Variants in KCNQ3 observed in about 807,000 individuals in gnomAD.
The protein encoded by KCNQ3 is potassium voltage-gated channel subfamily KQT member 3.
KCNQ3 carries 30 observed loss-of-function variants against 92.5 expected under a neutral mutation model. The observed-to-expected ratio is 0.32, with a 90% CI of 0.24 to 0.44. KCNQ3 has a LOEUF of 0.44. KCNQ3 is among the 20% of genes least tolerant of loss of function. KCNQ3 has a pLI of 1.00. For synonymous variants in KCNQ3, 450 were observed against 468.8 expected, an observed-to-expected ratio of 0.96 and a Z score of 0.52; for missense variants, 913 against 1,140.3, an observed-to-expected ratio of 0.80 and a Z score of 2.87.
intron 1 of KCNQ3, among the ~76,000 whole-genome samples, chr8:132,470,541 C>T (rs1335750720): frequency 6.6e-6 from 1 of 152,160 alleles, no homozygotes; most frequent in Non-Finnish European, 1.5e-5. Flanking sequence ...TGACTTGTCA[C>T]CACTAACTAT....
Position 132,187,807 on chromosome 8 carries a change from ATGGTGGTGGTGGTGGTGGTGGTGATTG to A in KCNQ3, c.387-1653_387-1627del, listed in dbSNP as rs1198268452. Among the ~76,000 whole-genome samples the A allele has an allele frequency of 3.3e-5, 4 of 120,598 alleles. No individual in the cohort carries two copies. In the South Asian group the frequency reaches 8.2e-4, roughly 25 times the overall value. 79.1% of individuals were successfully genotyped at this position (120,598 alleles called of 152,430 possible). On this transcript the variant is annotated intron_variant, in intron 1 of 14. Coordinates refer to ENST00000388996, the MANE Select transcript of KCNQ3 (RefSeq NM_004519.4). Reference sequence around the variant, plus strand: ...GGTGGTGGCGGTGGTGGTGATAGTGATGGTGGTGGTGGTGGTGGTGGTGATTGTGGTGGTGGTGGTGGTAGTGATGGT... The same window carrying A: ...GGTGGTGGCGGTGGTGGTGATAGTGATGGTGGTGGTGGTGGTAGTGATGGT...
At chr8:132,454,632 C>T (rs1459536748) in intron 1 of KCNQ3, among the ~76,000 whole-genome samples, 1 of 152,152 alleles carries the variant, frequency 6.6e-6, no homozygotes, top group African/African-American at 2.4e-5. Context: ...GATACCCACA[C>T]TGTCCTTTCC....
chr8:132,285,820 T>G (rs1468604015), intron 1 of KCNQ3, among the ~76,000 whole-genome samples: 1 of 152,206 alleles, frequency 6.6e-6, no homozygotes, highest in Non-Finnish European at 1.5e-5. Context: ...TTTTCTGGGA[T>G]TGACCCAGGG....
chr8:132,432,355 CA>C (rs11411494), intron 1 of KCNQ3, among the ~76,000 whole-genome samples: 1,742 of 134,308 alleles, frequency 0.013, 29 homozygotes, highest in African/African-American at 0.042. Context: ...ATGAATACGG[CA>C]AAAAAAAAAA....
chr8:132,232,264 G>T (rs1270616850), intron 1 of KCNQ3, among the ~76,000 whole-genome samples: 1 of 152,174 alleles, frequency 6.6e-6, no homozygotes, highest in African/African-American at 2.4e-5. Context: ...TCACCAAGGG[G>T]TCTTGTTAAA....
chr8:132,186,602 G>C (rs528219018), intron 1 of KCNQ3: 1 of 313,392 alleles, frequency 3.2e-6, no homozygotes, highest in Admixed American at 4.8e-5. Flanking sequence ...TGTTTTCTTA[G>C]AATGAAGAAA....
intron 1 of KCNQ3, among the ~76,000 whole-genome samples, chr8:132,458,459 CT>C (rs1157676986): frequency 3.9e-5 from 6 of 152,146 alleles, no homozygotes; most frequent in South Asian, 2.1e-4. Flanking sequence ...GAATAGTTTT[CT>C]TTTTTTCTTT....
chr8:132,476,270 C>CA (rs1822409588), intron 1 of KCNQ3, among the ~76,000 whole-genome samples: 1 of 152,224 alleles, frequency 6.6e-6, no homozygotes, highest in Non-Finnish European at 1.5e-5. Context: ...GTTGGAACCC[C>CA]CACACAGAAT....
At chr8:132,160,809 C>G (rs1442048400) in intron 9 of KCNQ3, among the ~76,000 whole-genome samples, 2 of 151,480 alleles carry the variant, frequency 1.3e-5, no homozygotes, top group Non-Finnish European at 2.9e-5. Flanking sequence ...CTTTCTGATT[C>G]TAAGGTTAAT....
intron 9 of KCNQ3, among the ~76,000 whole-genome samples, chr8:132,158,647 C>T (rs967445318): frequency 1.3e-5 from 2 of 152,232 alleles, no homozygotes; most frequent in Non-Finnish European, 2.9e-5. Flanking sequence ...CTTGCTCTTG[C>T]ACTTTCTAGC....
chr8:132,449,193 T>C (rs909810010), intron 1 of KCNQ3, among the ~76,000 whole-genome samples: 14 of 152,180 alleles, frequency 9.2e-5, no homozygotes, highest in African/African-American at 3.4e-4. Context: ...AATGGCCTCA[T>C]TGTGAATTTT....
chr8:132,437,017 C>T (rs1821411666), intron 1 of KCNQ3, among the ~76,000 whole-genome samples: 2 of 151,434 alleles, frequency 1.3e-5, no homozygotes, highest in Non-Finnish European at 1.5e-5. Context: ...CGGTGGCTCA[C>T]GCCTGTAATC....
intron 1 of KCNQ3, among the ~76,000 whole-genome samples, chr8:132,204,147 G>T (rs752895943): frequency 2.6e-5 from 4 of 152,184 alleles, no homozygotes; most frequent in Non-Finnish European, 4.4e-5. Context: ...CTGATGAAAC[G>T]GAAGTAGGTA....
chr8:132,428,811 G>A (rs541561654), intron 1 of KCNQ3, among the ~76,000 whole-genome samples: 8 of 152,274 alleles, frequency 5.3e-5, no homozygotes, highest in African/African-American at 1.2e-4. Context: ...CAGATATTAA[G>A]CATCCATTGT....
At chr8:132,333,445 G>A (rs1383199660) in intron 1 of KCNQ3, among the ~76,000 whole-genome samples, 1 of 152,132 alleles carries the variant, frequency 6.6e-6, no homozygotes, top group Non-Finnish European at 1.5e-5. Flanking sequence ...AGGAAAGCTG[G>A]GAGTCAGCAT....
intron 1 of KCNQ3, among the ~76,000 whole-genome samples, chr8:132,468,761 G>A (rs1046129481): frequency 6.6e-6 from 1 of 152,220 alleles, no homozygotes; most frequent in Non-Finnish European, 1.5e-5. Flanking sequence ...GAGGAGAGGA[G>A]GTTCCCAGCC....
intron 1 of KCNQ3, among the ~76,000 whole-genome samples, chr8:132,385,496 G>A (rs2894369): frequency 0.028 from 4,244 of 152,318 alleles, 78 homozygotes; most frequent in Non-Finnish European, 0.045. Context: ...GGTCAGGAAG[G>A]TTGTGTCCTC....
At chr8:132,249,963 C>G (rs927083331) in intron 1 of KCNQ3, among the ~76,000 whole-genome samples, 1 of 152,132 alleles carries the variant, frequency 6.6e-6, no homozygotes, top group African/African-American at 2.4e-5. Flanking sequence ...AAGGACCTGC[C>G]GAGCCCATGC....
At chr8:132,261,338 T>A (rs557835595) in intron 1 of KCNQ3, among the ~76,000 whole-genome samples, 3 of 152,328 alleles carry the variant, frequency 2.0e-5, no homozygotes, top group South Asian at 4.1e-4. Flanking sequence ...CAGTCAAGGC[T>A]GCGTGCCTCA....
Sources: gnomAD v4.1 joint callset for allele counts (sites outside exome capture counted in the v4.1 genomes callset) on GRCh38, gnomAD v4.1.1 for gene constraint, MANE v1.5 for transcripts, NCBI Gene and HGNC (gene_info 2026-07-23, HGNC 2026-07-21) for gene names.